The following STARD9 variants were observed in gnomAD, a reference collection of about 807,000 sequenced individuals.
The protein encoded by STARD9 is stAR-related lipid transfer protein 9.
STARD9 carries 346 observed loss-of-function variants against 399.8 expected under a neutral mutation model. The ratio of observed to expected loss-of-function variants is 0.87; its 90% CI spans 0.79 to 0.95. STARD9 has a LOEUF of 0.95. Among genes scored for constraint, STARD9 ranks in the 40% least tolerant of loss-of-function variants. The pLI is 0.00. For synonymous variants in STARD9, 2,203 were observed against 2,143.5 expected, an observed-to-expected ratio of 1.03 and a Z score of -0.77; for missense variants, 5,832 against 5,667.5, an observed-to-expected ratio of 1.03 and a Z score of -0.93.
At chr15:42,626,312 TTCC>T (rs2059212195) in intron 3 of STARD9, among the ~76,000 whole-genome samples, 2 of 147,458 alleles carry the variant, frequency 1.4e-5, no homozygotes, top group Non-Finnish European at 3.0e-5. Flanking sequence ...CTTCTTCCTC[TTCC>T]TCTTCTTCCT....
chr15:42,610,703 C>T (rs781291256), intron 3 of STARD9, among the ~76,000 whole-genome samples: 18 of 152,142 alleles, frequency 1.2e-4, no homozygotes, highest in South Asian at 2.1e-4. Context: ...CCCGCCACCA[C>T]GCCCGACTTA....
intron 8 of STARD9, 105 bp from the exon 9 acceptor site, chr15:42,652,415 G>T: frequency 1.1e-6 from 1 of 929,346 alleles, no homozygotes. Context: ...TATGATTCTT[G>T]TCGGTGAACC....
At chr15:42,665,079 C>CG (rs2060067647) in intron 13 of STARD9, among the ~76,000 whole-genome samples, 174 bp from the exon 14 acceptor site, 1 of 152,132 alleles carries the variant, frequency 6.6e-6, no homozygotes, top group African/African-American at 2.4e-5. Flanking sequence ...GCGTTTCTAA[C>CG]AAGTTCTTAG....
chr15:42,697,733 A>G (rs2060874920), intron 26 of STARD9, among the ~76,000 whole-genome samples: 1 of 152,178 alleles, frequency 6.6e-6, no homozygotes, highest in Non-Finnish European at 1.5e-5. Context: ...TATATATCCA[A>G]CATAAATTTT....
intron 3 of STARD9, among the ~76,000 whole-genome samples, chr15:42,608,614 T>C (rs554095938): frequency 6.6e-6 from 1 of 152,336 alleles, no homozygotes; most frequent in South Asian, 2.1e-4. Flanking sequence ...AGGCTTGTTT[T>C]CTTATATAAA....
Position 42,719,576 on chromosome 15 carries a change from A to G in STARD9, c.*2A>G. 1.3e-6 allele frequency: 2 copies of G among 1,524,906 alleles called. No individual in the cohort carries two copies. The highest frequency in any genetic ancestry group is 1.4e-5 in the African/African-American group (1 of 72,904). 94.5% of individuals were successfully genotyped at this position (1,524,906 alleles called of 1,614,324 possible). ...CTGGCTTCCTTCCTTGGTAGGTAGC[A>G]TCTCACCGTCAAGATGGTGCTGCTG... On this transcript the variant is annotated 3_prime_UTR_variant, in exon 33 of 33. Transcript: ENST00000290607.
chr15:42,688,718 T>G lies in STARD9; in HGVS notation c.7140T>G (p.His2380Gln). Residue 2380 changes from histidine to glutamine, a missense_variant, in exon 23 of 33, where the codon CAT becomes CAG. By Grantham distance (24) the His-to-Gln change is conservative. Coordinates refer to ENST00000290607, the MANE Select transcript of STARD9 (RefSeq NM_020759.3). Reference sequence around the variant, plus strand: ...GTCCCTTGGTAACTGGAGTAGAGCATCAGGACCAGAGTACGGAGACCAGAA... The same window carrying G: ...GTCCCTTGGTAACTGGAGTAGAGCAGCAGGACCAGAGTACGGAGACCAGAA... ...HNSPLVTGVE[H>Q]QDQSTETRSH... is the part of the protein sequence containing the mutation. 6.5e-7 allele frequency: 1 copy of G among 1,537,698 alleles called. No homozygotes were observed.
Position 42,687,028 on chromosome 15 carries a change from C to T in STARD9, c.5450C>T (p.Ala1817Val). The T allele has an allele frequency of 6.5e-7, 1 of 1,537,064 alleles. No individual in the cohort carries two copies. The highest frequency in any genetic ancestry group is 8.7e-7 in the Non-Finnish European group (1 of 1,146,890). Residue 1817 changes from alanine (A) to valine (V), a missense_variant, in exon 23 of 33, where the codon GCT becomes GTT. Physicochemically the swap from Ala to Val is moderately conservative, Grantham distance 64. Coordinates refer to ENST00000290607, the MANE Select transcript of STARD9 (RefSeq NM_020759.3). ...ATTGCCTCATCTCAGCAGGTCACAG[C>T]TGAGATACCAGTTGATCTGAATACC... ...SKIASSQQVT[A>V]EIPVDLNTRE...
intron 12 of STARD9, 25 bp downstream of exon 12, chr15:42,663,515 C>T (rs1397744030): frequency 2.0e-6 from 3 of 1,533,664 alleles, no homozygotes; most frequent in Non-Finnish European, 2.6e-6. Context: ...AGAGCTGGAC[C>T]TGTGTTGGGA....
rs5812230 is a variant in STARD9 at position 42,668,376 on chromosome 15, AT to A, written c.1318-767del. ...TGAGAGAAGCACTTAGCTAAATCTAATTTTTTTTTTTTTTTCTGAGCTTCCT... is the reference window on the plus strand; with the variant it reads ...TGAGAGAAGCACTTAGCTAAATCTAATTTTTTTTTTTTTTCTGAGCTTCCT... On this transcript the variant is annotated intron_variant, in intron 15 of 32. Transcript: ENST00000290607. 3.2e-3 allele frequency among the ~76,000 whole-genome samples: 458 copies of A among 143,584 alleles called. 2 individuals carry two copies. The highest frequency in any genetic ancestry group is 3.3e-3 in the Non-Finnish European group (214 of 65,064). The allele number at this position is 143,584 out of a possible 152,430, so 94.2% of individuals were successfully genotyped here. A position where few individuals can be genotyped will look rare whatever the true frequency, so the allele number is the denominator to read the frequency against.
Position 42,695,327 on chromosome 15 carries a change from T to A in STARD9, c.13146+4T>A, listed in dbSNP as rs1387569912. On this transcript the variant is annotated splice_donor_region_variant and intron_variant, in intron 25 of 32. Transcript: ENST00000290607. ...GATCATTTCCCAGCTATTGAAGGTG[T>A]GGAGTGGGGCATGCCTCTGATTTCA... 6.5e-7 allele frequency: 1 copy of A among 1,527,392 alleles called. No individual in the cohort carries two copies. The highest frequency in any genetic ancestry group is 2.5e-5 in the East Asian group (1 of 40,778). 94.6% of individuals were successfully genotyped at this position (1,527,392 alleles called of 1,614,324 possible). A position where few individuals can be genotyped will look rare whatever the true frequency, so the allele number is the denominator to read the frequency against.
chr15:42,690,445 C>T lies in STARD9; in HGVS notation c.8867C>T (p.Pro2956Leu), dbSNP rs1357925688. Residue 2956 changes from proline (P) to leucine (L), a missense_variant, in exon 23 of 33, where the codon CCA becomes CTA. Physicochemically the swap from Pro to Leu is moderately conservative, Grantham distance 98 (BLOSUM62 -3). Transcript: ENST00000290607. Reference sequence around the variant, plus strand: ...AGCAGAACTCTTCCTTGCCGACAGCCATGCAGTTCTCAACCTGTTGCTACT... The same window carrying T: ...AGCAGAACTCTTCCTTGCCGACAGCTATGCAGTTCTCAACCTGTTGCTACT... The part of the protein sequence containing the change: ...KESRTLPCRQ[P>L]CSSQPVATHA... 2 of 1,537,232 alleles carry T rather than the reference C, an allele frequency of 1.3e-6. No homozygotes were observed. The highest frequency in any genetic ancestry group is 2.0e-5 in the Admixed American group (1 of 51,004).
At position 42,604,626 on chromosome 15, in the gene STARD9, A is replaced by ATT. The variant is rs11349330; in HGVS notation, c.234+19018_234+19019dup. The stretch of plus-strand genomic sequence containing the variant: ...GATTGCTTTATTCAGGATCAAATTG[A>ATT]TTTTTTTTTTTTTTTTTTTTTTTTT... On this transcript the variant is annotated intron_variant, in intron 3 of 32. Coordinates refer to ENST00000290607, the MANE Select transcript of STARD9 (RefSeq NM_020759.3). Among the ~76,000 whole-genome samples the ATT allele has an allele frequency of 2.4e-3, 133 of 54,740 alleles. 10 individuals are homozygous for ATT. Among genetic ancestry groups the ATT allele is most frequent in the African/African-American group, 5.1e-3 (88 of 17,200 alleles). The allele number at this position is 54,740 out of a possible 152,430, so 35.9% of individuals were successfully genotyped here. A position where few individuals can be genotyped will look rare whatever the true frequency, so the allele number is the denominator to read the frequency against.
intron 26 of STARD9, among the ~76,000 whole-genome samples, chr15:42,707,590 C>T (rs1275933345): frequency 6.6e-6 from 1 of 151,958 alleles, no homozygotes; most frequent in African/African-American, 2.4e-5. Context: ...CTGCCTCAGC[C>T]TCCCCAGTAG....
chr15:42,599,679 C>T (rs933301583), intron 3 of STARD9, among the ~76,000 whole-genome samples: 1 of 152,170 alleles, frequency 6.6e-6, no homozygotes, highest in Admixed American at 6.5e-5. Flanking sequence ...TGAAGGCAGA[C>T]TAGGTCTCAT....
intron 3 of STARD9, among the ~76,000 whole-genome samples, chr15:42,594,892 G>A (rs2058473601): frequency 6.6e-6 from 1 of 152,168 alleles, no homozygotes; most frequent in Admixed American, 6.5e-5. Flanking sequence ...TTCCATACCT[G>A]TTGTTATGCG....
chr15:42,710,057 CTTTTTTTTTT>C (rs1218850356), intron 26 of STARD9, among the ~76,000 whole-genome samples: 1 of 119,916 alleles, frequency 8.3e-6, no homozygotes, highest in Non-Finnish European at 1.8e-5. Context: ...CATGCCCTGT[CTTTTTTTTTT>C]TTTTTTTTTT....
At chr15:42,698,919 T>C (rs922992848) in intron 26 of STARD9, among the ~76,000 whole-genome samples, 5 of 152,120 alleles carry the variant, frequency 3.3e-5, no homozygotes, top group East Asian at 3.9e-4. Context: ...CCTTTCCTTA[T>C]ACCAAGGCTT....
chr15:42,662,902 A>C lies in STARD9; in HGVS notation c.868+11A>C, dbSNP rs868636370. On this transcript the variant is annotated intron_variant, in intron 11 of 32. Coordinates refer to ENST00000290607, the MANE Select transcript of STARD9 (RefSeq NM_020759.3). The stretch of plus-strand genomic sequence containing the variant: ...TCATCTCCACCTTAGGTATTTTCTG[A>C]TAGATAATGGGAGTGGGAGGGAGAG... The C allele has an allele frequency of 1.3e-6, 2 of 1,508,188 alleles. No homozygotes were observed. Among genetic ancestry groups the C allele is most frequent in the African/African-American group, 2.8e-5 (2 of 72,548 alleles). 93.4% of individuals were successfully genotyped at this position (1,508,188 alleles called of 1,614,324 possible).
Sources: allele counts gnomAD v4.1 joint callset (sites outside exome capture counted in the v4.1 genomes callset), GRCh38; gene constraint gnomAD v4.1.1; transcripts MANE v1.5; gene names NCBI Gene and HGNC (gene_info 2026-07-23, HGNC 2026-07-21).